Variants in MAP1B observed in about 807,000 individuals in gnomAD.
MAP1B encodes the protein microtubule associated protein 1B.
A neutral mutation model predicts 176.1 loss-of-function variants in MAP1B; 12 were observed. That is an observed-to-expected ratio of 0.07 (90% CI 0.04 to 0.11). MAP1B has a LOEUF of 0.11. Among genes scored for constraint, MAP1B ranks in the 10% least tolerant of loss-of-function variants. The pLI is 1.00. For missense variants in MAP1B, 2,523 were observed against 2,990.5 expected (o/e 0.84, Z 3.65); for synonymous variants, 1,044 against 1,135.0 (o/e 0.92, Z 1.61).
At chr5:72,170,702 G>C (rs1033676394) in intron 2 of MAP1B, among the ~76,000 whole-genome samples, 2 of 152,194 alleles carry the variant, frequency 1.3e-5, no homozygotes, top group Non-Finnish European at 2.9e-5. Context: ...GTTCACGCCT[G>C]TAATCCCAGC....
At chr5:72,174,500 C>G (rs1409459163) in intron 2 of MAP1B, among the ~76,000 whole-genome samples, 1 of 152,190 alleles carries the variant, frequency 6.6e-6, no homozygotes, top group Non-Finnish European at 1.5e-5. Context: ...ACGAAATTGT[C>G]GCCAGGACTC....
intron 2 of MAP1B, among the ~76,000 whole-genome samples, chr5:72,172,419 T>C (rs1023342176): frequency 3.9e-5 from 6 of 152,226 alleles, no homozygotes; most frequent in African/African-American, 1.4e-4. Context: ...CCATTTGCAT[T>C]TTTTCTTTTT....
At chr5:72,184,926 A>G (rs567874933) in intron 3 of MAP1B, among the ~76,000 whole-genome samples, 1 of 152,316 alleles carries the variant, frequency 6.6e-6, no homozygotes, top group African/African-American at 2.4e-5. Flanking sequence ...TAATTCTAGA[A>G]TACGTCTATC....
chr5:72,194,914 A>G lies in MAP1B; in HGVS notation c.1559A>G (p.Asp520Gly), dbSNP rs749038914. The stretch of plus-strand genomic sequence containing the variant: ...AAGCAGCCACTGGCCACCCAAAAGG[A>G]TCTCACTGGCCAGGTGCCCACTCCT... Reference protein sequence around the residue: ...FLKQPLATQKDLTGQVPTPVV... With the variant: ...FLKQPLATQKGLTGQVPTPVV... The change falls in exon 5 of 7, where the codon GAT (aspartate) becomes GGT (glycine). Residue 520 changes from aspartate (D) to glycine (G), a missense_variant. Transcript: ENST00000296755. This position sits in a 1 kb window ranked among gnomAD's most constrained non-coding sequence, Gnocchi z 7.2. 1 of 1,614,190 alleles carries G rather than the reference A, an allele frequency of 6.2e-7. No homozygotes were observed. The highest frequency in any genetic ancestry group is 8.5e-7 in the Non-Finnish European group (1 of 1,180,036).
At chr5:72,161,098 C>G (rs1746317250) in intron 2 of MAP1B, among the ~76,000 whole-genome samples, 1 of 152,140 alleles carries the variant, frequency 6.6e-6, no homozygotes, top group South Asian at 2.1e-4. Context: ...GATCCCAGGC[C>G]AGGGGACTGA....
Position 72,196,961 on chromosome 5 carries a change from T to A in MAP1B, c.3606T>A (p.Ala1202=), listed in dbSNP as rs1747188354. Residue 1202 remains alanine (A), a synonymous_variant, in exon 5 of 7, where the codon GCT becomes GCA. Coordinates refer to ENST00000296755, the MANE Select transcript of MAP1B (RefSeq NM_005909.5). The surrounding 1 kb of genome is among the most constrained non-coding windows in gnomAD (Gnocchi z 5.3). Reference sequence around the variant, plus strand: ...CCACTGATGGCAAGGATTACAATGCTTCAGCCTCTACCATATCACCACCCT... The same window carrying A: ...CCACTGATGGCAAGGATTACAATGCATCAGCCTCTACCATATCACCACCCT... ...TDATDGKDYN[A]SASTISPPSS... 6.2e-7 allele frequency: 1 copy of A among 1,614,140 alleles called. No individual in the cohort carries two copies. The highest frequency in any genetic ancestry group is 1.7e-5 in the Admixed American group (1 of 60,016).
At position 72,181,806 on chromosome 5, in the gene MAP1B, C is replaced by G. The variant is rs865945259; in HGVS notation, c.287-1937C>G. ...GTGCAATCTCGGCTCACTGCAACCT[C>G]TGCCTCCTGGGTTCACGCGATTCTC... On this transcript the variant is annotated intron_variant, in intron 2 of 6. Coordinates refer to ENST00000296755, the MANE Select transcript of MAP1B (RefSeq NM_005909.5). 3.9e-5 allele frequency among the ~76,000 whole-genome samples: 6 copies of G among 151,902 alleles called. No individual in the cohort carries two copies. The Middle Eastern group carries it at 0.014, about 347-fold the overall frequency.
intron 4 of MAP1B, among the ~76,000 whole-genome samples, chr5:72,191,407 A>G (rs1747024133): frequency 6.6e-6 from 1 of 152,240 alleles, no homozygotes; most frequent in African/African-American, 2.4e-5. Flanking sequence ...TTCATTGAAT[A>G]AGCTTGGTCA....
At chr5:72,150,831 C>G (rs2112165733) in intron 2 of MAP1B, among the ~76,000 whole-genome samples, 1 of 152,298 alleles carries the variant, frequency 6.6e-6, no homozygotes, top group African/African-American at 2.4e-5. Flanking sequence ...AGGACATGAT[C>G]TCACTCTTTT....
At chr5:72,177,825 C>T (rs191207559) in intron 2 of MAP1B, among the ~76,000 whole-genome samples, 38 of 152,064 alleles carry the variant, frequency 2.5e-4, no homozygotes, top group Middle Eastern at 6.8e-3. Context: ...GTTTTTTGCA[C>T]GAGGGGTTAG....
chr5:72,180,109 G>A (rs775715981), intron 2 of MAP1B, among the ~76,000 whole-genome samples: 7 of 152,176 alleles, frequency 4.6e-5, no homozygotes, highest in Non-Finnish European at 8.8e-5. Context: ...GGGTGTTGAA[G>A]GGTGCAGCTA....
intron 2 of MAP1B, among the ~76,000 whole-genome samples, chr5:72,128,554 G>A (rs1161507376): frequency 6.6e-6 from 1 of 152,064 alleles, no homozygotes; most frequent in Non-Finnish European, 1.5e-5. Context: ...GTCCTGATGT[G>A]CATACAGTGG....
intron 2 of MAP1B, among the ~76,000 whole-genome samples, chr5:72,119,336 C>G (rs1745486159): frequency 6.6e-6 from 1 of 152,226 alleles, no homozygotes; most frequent in Middle Eastern, 3.2e-3. Flanking sequence ...CAGGTCTCTG[C>G]TGATTTGCCT....
In MAP1B at chr5:72,197,490, C is replaced by T; in HGVS notation, c.4135C>T (p.Pro1379Ser). ...KDENERASVS[P>S]MDEPVPDSES... The stretch of plus-strand genomic sequence containing the variant: ...TGAGAATGAAAGGGCTTCAGTAAGC[C>T]CCATGGATGAGCCCGTGCCTGACTC... The change falls in exon 5 of 7, where the codon CCC (proline) becomes TCC (serine). Residue 1379 changes from proline (P) to serine (S), a missense_variant. Around this residue, in one of 4 missense-constraint regions of MAP1B, gnomAD observed 1,925 missense variants for 2,126.0 expected, o/e 0.91. Transcript: ENST00000296755. 1 of 1,614,136 alleles carries T rather than the reference C, an allele frequency of 6.2e-7. No homozygotes were observed. The highest frequency in any genetic ancestry group is 1.1e-5 in the South Asian group (1 of 91,082).
chr5:72,156,486 G>T (rs1249001408), intron 2 of MAP1B, among the ~76,000 whole-genome samples: 1 of 152,188 alleles, frequency 6.6e-6, no homozygotes, highest in Non-Finnish European at 1.5e-5. Context: ...GCTATGGTGT[G>T]CAAACTGAGC....
chr5:72,133,765 G>A (rs1259329225), intron 2 of MAP1B, among the ~76,000 whole-genome samples: 2 of 152,180 alleles, frequency 1.3e-5, no homozygotes, highest in Non-Finnish European at 2.9e-5. Context: ...AGAAATGTTG[G>A]TAAAGCAGGA....
At chr5:72,193,417 C>G in intron 4 of MAP1B, 1 of 313,168 alleles carries the variant, frequency 3.2e-6, no homozygotes, top group South Asian at 2.6e-5. Context: ...ATGACCCAGA[C>G]AGCTTTCTCT....
chr5:72,112,535 C>T (rs1306153454), intron 1 of MAP1B, among the ~76,000 whole-genome samples: 3 of 152,168 alleles, frequency 2.0e-5, no homozygotes, highest in African/African-American at 4.8e-5. Context: ...CTCCTTTTCT[C>T]ATCTGTGTAT....
chr5:72,179,925 C>T (rs910425873), intron 2 of MAP1B: 6 of 985,296 alleles, frequency 6.1e-6, no homozygotes, highest in African/African-American at 1.7e-5. Context: ...GCAACTGTCA[C>T]GTGGCATTTG....
Sources: gnomAD v4.1 joint callset for allele counts (sites outside exome capture counted in the v4.1 genomes callset) on GRCh38, gnomAD v4.1.1 for gene constraint, gnomAD v4.1.1 regional missense constraint, Gnocchi (gnomAD v3.1) non-coding constraint, MANE v1.5 for transcripts, NCBI Gene and HGNC (gene_info 2026-07-23, HGNC 2026-07-21) for gene names.